The following SLC48A1 variants were observed in gnomAD, a reference collection of about 807,000 sequenced individuals.
The protein encoded by SLC48A1 is heme transporter HRG1.
A neutral mutation model predicts 14.8 loss-of-function variants in SLC48A1; 6 were observed. The ratio of observed to expected loss-of-function variants is 0.41; its 90% CI spans 0.22 to 0.80. SLC48A1 has a LOEUF of 0.80. Among genes scored for constraint, SLC48A1 ranks in the 30% least tolerant of loss-of-function variants. The pLI, the probability that SLC48A1 is intolerant of heterozygous loss-of-function variation, is 0.34. For synonymous variants in SLC48A1, 89 were observed against 90.0 expected, an observed-to-expected ratio of 0.99 and a Z score of 0.06; for missense variants, 165 against 204.8, an observed-to-expected ratio of 0.81 and a Z score of 1.19.
At chr12:47,756,460 G>C (rs536663520), upstream of SLC48A1, 1 of 152,238 alleles carries the variant, frequency 6.6e-6, no homozygotes, top group African/African-American at 2.4e-5. Context: ...TAGCGGAGGA[G>C]GACCCAGGCT....
intron 2 of SLC48A1, among the ~76,000 whole-genome samples, chr12:47,761,221 G>A (rs1942373367): frequency 6.6e-6 from 1 of 151,854 alleles, no homozygotes; most frequent in African/African-American, 2.4e-5. Flanking sequence ...AAGGCAGGGG[G>A]GAAATCGAAT....
Position 47,777,567 on chromosome 12 carries a change from C to T in SLC48A1, c.137-1461C>T, listed in dbSNP as rs1942780559. Among the ~76,000 whole-genome samples, 1 of 152,164 alleles carries T rather than the reference C, an allele frequency of 6.6e-6. No homozygotes were observed. The highest frequency in any genetic ancestry group is 1.5e-5 in the Non-Finnish European group (1 of 68,012). ...GCTTGGAGTCTCATGGGTTTTTGTT[C>T]CTCACTGGACTGTCTGGGGACAGCC... On this transcript the variant is annotated intron_variant, in intron 1 of 2. Coordinates refer to ENST00000442218, the MANE Select transcript of SLC48A1 (RefSeq NM_017842.3). The surrounding 1 kb of genome is among the most constrained non-coding windows in gnomAD (Gnocchi z 4.5).
chr12:47,758,732 C>A lies in SLC48A1; in HGVS notation c.-373+72C>A, dbSNP rs542271485. The A allele has an allele frequency of 6.9e-5, 79 of 1,146,978 alleles. 1 individual carries two copies. In the South Asian group the frequency reaches 1.6e-3, roughly 23 times the overall value. The allele number at this position is 1,146,978 out of a possible 1,614,324, so 71.1% of individuals were successfully genotyped here. ...TGCCAGGGCAGCAGGATGCAGGGCT[C>A]GGTGGAGAGGCTCCTCTTGGGTGAG... On this transcript the variant is annotated intron_variant, in intron 1 of 4. Transcript: ENST00000547002.
In SLC48A1 at chr12:47,778,777, CAAAAT is replaced by C. The variant is rs1942803198; in HGVS notation, c.137-245_137-241del. 7 of 426,030 alleles carry C rather than the reference CAAAAT, an allele frequency of 1.6e-5. No homozygotes were observed. The East Asian group carries it at 2.5e-4, about 15-fold the overall frequency. 26.4% of individuals were successfully genotyped at this position (426,030 alleles called of 1,614,324 possible). On this transcript the variant is annotated intron_variant, in intron 1 of 2. Transcript: ENST00000442218. ...TGAGAGATATTCATGTTTTCCAAAACAAAATAAAATCAGAGAGAATGGTAGGGTTT... is the reference window on the plus strand; with the variant it reads ...TGAGAGATATTCATGTTTTCCAAAACAAAATCAGAGAGAATGGTAGGGTTT...
exon 2 of SLC48A1, chr12:47,760,219 A>G (rs1942335340): frequency 5.1e-6 from 5 of 985,494 alleles, no homozygotes; most frequent in Non-Finnish European, 6.0e-6. Flanking sequence ...ACCCCAGGTC[A>G]TCTGCTGTGT....
chr12:47,754,749 T>C (rs1483461601), upstream of SLC48A1, among the ~76,000 whole-genome samples: 1 of 152,250 alleles, frequency 6.6e-6, no homozygotes, highest in Middle Eastern at 3.4e-3. Flanking sequence ...TGCAAAAAAA[T>C]ACAATGCTAG....
intron 2 of SLC48A1, among the ~76,000 whole-genome samples, chr12:47,761,284 C>T (rs748204220): frequency 3.3e-5 from 5 of 151,958 alleles, no homozygotes; most frequent in South Asian, 2.1e-4. Flanking sequence ...TCACTCAAAT[C>T]GGTGAAAATG....
Position 47,779,172 on chromosome 12 carries a change from T to A in SLC48A1, c.281T>A (p.Val94Glu). ...ATCGCTGCCTTCTGCACCTTCCTCGTGCTGGCCATCACCCGGCATCAGAGT... is the reference window on the plus strand; with the variant it reads ...ATCGCTGCCTTCTGCACCTTCCTCGAGCTGGCCATCACCCGGCATCAGAGT... ...VSIAAFCTFL[V>E]LAITRHQSLT... is the part of the protein sequence containing the mutation. Residue 94 changes from valine to glutamate, a missense_variant, in exon 2 of 3, where the codon GTG (valine) becomes GAG (glutamate). Transcript: ENST00000442218. 6.4e-7 allele frequency: 1 copy of A among 1,551,726 alleles called. No individual in the cohort carries two copies. Among genetic ancestry groups the A allele is most frequent in the Non-Finnish European group, 8.7e-7 (1 of 1,146,988 alleles).
rs747931425 is a variant in SLC48A1 at position 47,782,131 on chromosome 12, G to T, written c.*1850G>T. On this transcript the variant is annotated 3_prime_UTR_variant, in exon 3 of 3. Coordinates refer to ENST00000442218, the MANE Select transcript of SLC48A1 (RefSeq NM_017842.3). ...AACCGGACAGACTCAGAACCACAAA[G>T]GCAGGTGCTGCCAGCCTGGCGCCTT... 2 of 152,514 alleles carry T rather than the reference G, an allele frequency of 1.3e-5. No individual in the cohort carries two copies. The highest frequency in any genetic ancestry group is 6.5e-5 in the Admixed American group (1 of 15,314). The allele number at this position is 152,514 out of a possible 1,614,324, so 9.4% of individuals were successfully genotyped here.
Position 47,777,787 on chromosome 12 carries a change from T to G in SLC48A1, c.137-1241T>G, listed in dbSNP as rs1182382076. Among the ~76,000 whole-genome samples, 1 of 152,184 alleles carries G rather than the reference T, an allele frequency of 6.6e-6. No homozygotes were observed. The highest frequency in any genetic ancestry group is 1.5e-5 in the Non-Finnish European group (1 of 68,032). On this transcript the variant is annotated intron_variant, in intron 1 of 2. Coordinates refer to ENST00000442218, the MANE Select transcript of SLC48A1 (RefSeq NM_017842.3). The surrounding 1 kb of genome is among the most constrained non-coding windows in gnomAD (Gnocchi z 4.5). ...AATAGCATAGATTTCCCACCCAGCC[T>G]AAGAAACAAAATAGCATAGATTCCC...
At chr12:47,779,338 T>G in intron 2 of SLC48A1, 143 bp downstream of exon 2, 1 of 1,243,556 alleles carries the variant, frequency 8.0e-7, no homozygotes, top group Non-Finnish European at 1.1e-6. Flanking sequence ...TTGTTATGGT[T>G]CATGTGGAGA....
chr12:47,758,636 A>G lies in SLC48A1; in HGVS notation c.-397A>G, dbSNP rs577107043. 145 of 1,602,164 alleles carry G rather than the reference A, an allele frequency of 9.1e-5. 2 individuals are homozygous for G. In the African/African-American group the frequency reaches 1.7e-3, roughly 19 times the overall value. ...CCCAGCGACCCCCATCAGCTTTGAT[A>G]AGGGGATCCGGAGGGTGCCAGTGGG... is the stretch of plus-strand genomic sequence containing the variant. On this transcript the variant is annotated 5_prime_UTR_variant, in exon 1 of 5. Coordinates refer to the SLC48A1 transcript ENST00000547002.
chr12:47,761,317 C>G (rs11168231), intron 2 of SLC48A1, among the ~76,000 whole-genome samples: 22,365 of 152,236 alleles, frequency 0.15, 2,167 homozygotes, highest in Admixed American at 0.31. Context: ...CCCACTCCCC[C>G]ACCTATGTTC....
At chr12:47,778,735 TTAACA>T (rs1942802354) in intron 1 of SLC48A1, 1 of 360,360 alleles carries the variant, frequency 2.8e-6, no homozygotes, top group South Asian at 6.4e-5. Context: ...ATAACATGAA[TTAACA>T]TAACATTTTT....
chr12:47,780,489 T>C lies in SLC48A1; in HGVS notation c.*208T>C. On this transcript the variant is annotated 3_prime_UTR_variant, in exon 3 of 3. Transcript: ENST00000442218. ...GTGGTAGAGAGGGGATCCTGCCATGTTGCTCCTCATCAGCCTGGCCAGAGG... is the reference window on the plus strand; with the variant it reads ...GTGGTAGAGAGGGGATCCTGCCATGCTGCTCCTCATCAGCCTGGCCAGAGG... 1.2e-6 allele frequency: 1 copy of C among 810,230 alleles called. No homozygotes were observed. The highest frequency in any genetic ancestry group is 1.3e-5 in the South Asian group (1 of 74,396). 50.2% of individuals were successfully genotyped at this position (810,230 alleles called of 1,614,324 possible). A position where few individuals can be genotyped will look rare whatever the true frequency, so the allele number is the denominator to read the frequency against.
upstream of SLC48A1, chr12:47,758,112 G>T: frequency 6.5e-7 from 1 of 1,541,416 alleles, no homozygotes; most frequent in South Asian, 1.2e-5. Context: ...ACAGCCATGG[G>T]ACACGACTGG....
intron 1 of SLC48A1, among the ~76,000 whole-genome samples, 198 bp downstream of exon 1, chr12:47,773,638 G>A (rs1197139324): frequency 6.6e-6 from 1 of 150,670 alleles, no homozygotes; most frequent in Non-Finnish European, 1.5e-5. Flanking sequence ...GAGACCCGAT[G>A]CCCGCCCGGG....
chr12:47,755,700 A>G (rs1942014350), upstream of SLC48A1: 4 of 152,304 alleles, frequency 2.6e-5, no homozygotes, highest in South Asian at 8.3e-4. Flanking sequence ...GTCCTGGTCT[A>G]GGTAGGAACA....
chr12:47,755,673 C>T (rs141628519), upstream of SLC48A1: 3 of 152,328 alleles, frequency 2.0e-5, no homozygotes, highest in Non-Finnish European at 2.9e-5. Context: ...TACTGTAACC[C>T]GCTTTCATTT....
Sources: gnomAD v4.1 joint callset for allele counts (sites outside exome capture counted in the v4.1 genomes callset) on GRCh38, gnomAD v4.1.1 for gene constraint, Gnocchi (gnomAD v3.1) non-coding constraint, MANE v1.5 for transcripts, NCBI Gene and HGNC (gene_info 2026-07-23, HGNC 2026-07-21) for gene names.